Variants in ARL13B observed in about 807,000 individuals in gnomAD.
ARL13B encodes the protein ARF like GTPase 13B, also known as ADP-ribosylation factor-like protein 13B.
Under a neutral mutation model 56.1 loss-of-function variants are expected in ARL13B, and 36 were observed. The ratio of observed to expected loss-of-function variants is 0.64; its 90% CI spans 0.49 to 0.85. The LOEUF is 0.85. Ranked by LOEUF, ARL13B falls within the 40% of genes least tolerant of loss-of-function variation. ARL13B has a pLI of 0.00. For synonymous variants in ARL13B, 178 were observed against 171.1 expected, an observed-to-expected ratio of 1.04 and a Z score of -0.32; for missense variants, 519 against 507.1, an observed-to-expected ratio of 1.02 and a Z score of -0.23.
intron 3 of ARL13B, among the ~76,000 whole-genome samples, chr3:94,006,253 G>A (rs373458373): frequency 1.3e-5 from 2 of 152,046 alleles, no homozygotes; most frequent in East Asian, 1.9e-4. Flanking sequence ...CCAAGATCAC[G>A]CCACTGCACT....
At chr3:94,005,874 G>A (rs571808641) in intron 3 of ARL13B, among the ~76,000 whole-genome samples, 1 of 152,226 alleles carries the variant, frequency 6.6e-6, no homozygotes, top group African/African-American at 2.4e-5. Context: ...TTTAATAGTT[G>A]TGCATATGTG....
intron 2 of ARL13B, among the ~76,000 whole-genome samples, chr3:93,998,979 C>G (rs1329602375): frequency 6.7e-6 from 1 of 148,446 alleles, no homozygotes; most frequent in Non-Finnish European, 1.5e-5. Context: ...CTGCTAGTTT[C>G]TTTTCAGATG....
At chr3:94,034,656 C>T (rs975807717) in intron 3 of ARL13B, among the ~76,000 whole-genome samples, 2 of 151,906 alleles carry the variant, frequency 1.3e-5, no homozygotes, top group Non-Finnish European at 2.9e-5. Flanking sequence ...AATATTTGGG[C>T]ATTTAAAACA....
chr3:94,042,111 A>G (rs1007962381), intron 6 of ARL13B, among the ~76,000 whole-genome samples: 18 of 152,234 alleles, frequency 1.2e-4, no homozygotes, highest in Non-Finnish European at 1.3e-4. Context: ...GGCAATAAAA[A>G]TTTTAACTTA....
chr3:93,987,131 C>CT (rs1228023170), intron 1 of ARL13B, among the ~76,000 whole-genome samples: 1 of 151,364 alleles, frequency 6.6e-6, no homozygotes, highest in Admixed American at 6.6e-5. Flanking sequence ...TCAATCCTCC[C>CT]TAATGCCATG....
chr3:93,989,047 C>G (rs1397189205), intron 1 of ARL13B: 1 of 241,184 alleles, frequency 4.1e-6, no homozygotes, highest in Non-Finnish European at 8.1e-6. Flanking sequence ...TCCCGCTGCC[C>G]GAGCTGCTGA....
chr3:94,029,037 T>C (rs994654785), intron 3 of ARL13B, among the ~76,000 whole-genome samples: 1 of 151,808 alleles, frequency 6.6e-6, no homozygotes, highest in Non-Finnish European at 1.5e-5. Context: ...ACGTTACTTT[T>C]AATTTTTTTT....
chr3:94,007,832 G>C (rs1184545650), intron 3 of ARL13B, among the ~76,000 whole-genome samples: 2 of 152,078 alleles, frequency 1.3e-5, no homozygotes, highest in South Asian at 2.1e-4. Flanking sequence ...ATATCACTAG[G>C]CTTCTTTGTT....
At chr3:94,051,622 C>G (rs555256971) in intron 9 of ARL13B, among the ~76,000 whole-genome samples, 26 of 151,928 alleles carry the variant, frequency 1.7e-4, no homozygotes, top group Admixed American at 1.5e-3. Flanking sequence ...TTCTAGAATG[C>G]AAAAGAATTA....
At chr3:94,049,564 T>C (rs2077037212) in intron 8 of ARL13B, 42 bp downstream of exon 8, 42 of 1,324,412 alleles carry the variant, frequency 3.2e-5, no homozygotes, top group Non-Finnish European at 4.5e-5. Context: ...AAATATTGCT[T>C]TAAACAACAG....
chr3:93,997,844 A>C (rs2075992652), intron 2 of ARL13B, among the ~76,000 whole-genome samples: 1 of 152,146 alleles, frequency 6.6e-6, no homozygotes, highest in Non-Finnish European at 1.5e-5. Context: ...AAAATTAGCT[A>C]GGTGTGGTGG....
At chr3:93,996,089 T>TG in intron 2 of ARL13B, 145 bp downstream of exon 2, 1 of 855,488 alleles carries the variant, frequency 1.2e-6, no homozygotes, top group African/African-American at 1.7e-5. Context: ...TTGTGACTCT[T>TG]GTGGCGAATA....
chr3:94,014,394 G>A (rs759227421), intron 3 of ARL13B: 1 of 1,524,850 alleles, frequency 6.6e-7, no homozygotes, highest in Admixed American at 2.4e-5. Context: ...TTTATTTTGA[G>A]CTACAGCATG....
intron 6 of ARL13B, among the ~76,000 whole-genome samples, chr3:94,041,823 C>T (rs577514069): frequency 9.2e-5 from 14 of 152,206 alleles, no homozygotes; most frequent in African/African-American, 3.1e-4. Flanking sequence ...GCCTGTAATC[C>T]CAGCACTTTG....
chr3:93,992,480 A>C (rs908742837), intron 1 of ARL13B, among the ~76,000 whole-genome samples: 3 of 152,142 alleles, frequency 2.0e-5, no homozygotes, highest in Admixed American at 2.0e-4. Flanking sequence ...ATGTTACTGT[A>C]ATTACCTCTC....
At chr3:93,990,757 T>C (rs2107356555) in intron 1 of ARL13B, among the ~76,000 whole-genome samples, 1 of 152,340 alleles carries the variant, frequency 6.6e-6, no homozygotes, top group East Asian at 1.9e-4. Flanking sequence ...TGCTGAGATA[T>C]GCTCTTAACC....
intron 3 of ARL13B, among the ~76,000 whole-genome samples, chr3:94,018,205 A>G (rs945913758): frequency 6.7e-6 from 1 of 148,902 alleles, no homozygotes; most frequent in African/African-American, 2.5e-5. Context: ...GCCCTGATTT[A>G]TATTTTTAAA....
rs562551131 is a variant in ARL13B at position 94,042,894 on chromosome 3, T to C, written c.799-121T>C. The C allele has an allele frequency of 4.1e-6, 3 of 735,204 alleles. No homozygotes were observed. The East Asian group carries it at 8.2e-5, about 20-fold the overall frequency. 45.5% of individuals were successfully genotyped at this position (735,204 alleles called of 1,614,324 possible). A position where few individuals can be genotyped will look rare whatever the true frequency, so the allele number is the denominator to read the frequency against. ...TGTATTCATGAAATCATTTTTAAAA[T>C]AGAAGTCTCACAGTGTCCTTGAAGT... On this transcript the variant is annotated intron_variant, in intron 6 of 9. Coordinates refer to ENST00000394222, the MANE Select transcript of ARL13B (RefSeq NM_001174150.2).
At chr3:94,050,954 C>T in intron 9 of ARL13B, 62 bp downstream of exon 9, 1 of 1,488,810 alleles carries the variant, frequency 6.7e-7, no homozygotes, top group Non-Finnish European at 9.3e-7. Context: ...TTTTCTTTAG[C>T]CTTATAATTT....
Sources: allele counts gnomAD v4.1 joint callset (sites outside exome capture counted in the v4.1 genomes callset), GRCh38; gene constraint gnomAD v4.1.1; transcripts MANE v1.5; gene names NCBI Gene and HGNC (gene_info 2026-07-23, HGNC 2026-07-21).